Variants in MAPKAP1 observed in about 807,000 individuals in gnomAD.
MAPKAP1 encodes target of rapamycin complex 2 subunit MAPKAP1.
In MAPKAP1, 20 loss-of-function variants were observed where a neutral mutation model predicts 65.7. That is an observed-to-expected ratio of 0.30 (90% CI 0.21 to 0.44). MAPKAP1 has a LOEUF of 0.44. Ranked by LOEUF, MAPKAP1 falls within the 20% of genes least tolerant of loss-of-function variation. MAPKAP1 has a pLI of 1.00. For missense variants in MAPKAP1, 423 were observed against 648.0 expected, an observed-to-expected ratio of 0.65 and a Z score of 3.77; for synonymous variants, 222 against 244.3, an observed-to-expected ratio of 0.91 and a Z score of 0.85.
chr9:125,600,465 C>T (rs556331401), intron 4 of MAPKAP1, among the ~76,000 whole-genome samples: 3 of 152,308 alleles, frequency 2.0e-5, no homozygotes, highest in African/African-American at 7.2e-5. Context: ...GAGATAAGAC[C>T]ATCTACTTCA....
chr9:125,506,241 T>C, intron 8 of MAPKAP1, 69 bp downstream of exon 8: 1 of 1,383,126 alleles, frequency 7.2e-7, no homozygotes, highest in South Asian at 1.2e-5. Flanking sequence ...AGTGAGCGTT[T>C]CCAAACACAT....
intron 2 of MAPKAP1, among the ~76,000 whole-genome samples, chr9:125,670,569 G>A (rs1834467821): frequency 6.6e-6 from 1 of 152,114 alleles, no homozygotes; most frequent in African/African-American, 2.4e-5. Flanking sequence ...AAATTCTTTG[G>A]TCACTAAGAC....
chr9:125,529,386 G>C (rs1829870817), intron 7 of MAPKAP1, among the ~76,000 whole-genome samples: 1 of 151,604 alleles, frequency 6.6e-6, no homozygotes, highest in South Asian at 2.1e-4. Flanking sequence ...TCTACTGAAG[G>C]ATAAGTTAGG....
intron 4 of MAPKAP1, among the ~76,000 whole-genome samples, chr9:125,647,864 TAAAC>T (rs940620594): frequency 4.6e-5 from 7 of 151,548 alleles, no homozygotes; most frequent in Non-Finnish European, 1.0e-4. Flanking sequence ...TCAATGGAAA[TAAAC>T]AAACATTTGT....
chr9:125,464,380 T>G (rs1460390480), intron 10 of MAPKAP1, among the ~76,000 whole-genome samples: 2 of 152,146 alleles, frequency 1.3e-5, no homozygotes, highest in African/African-American at 4.8e-5. Context: ...AATTCACCTT[T>G]TAGGGGCTTA....
At chr9:125,641,132 G>C (rs1410480540) in intron 4 of MAPKAP1, among the ~76,000 whole-genome samples, 1 of 151,684 alleles carries the variant, frequency 6.6e-6, no homozygotes, top group African/African-American at 2.4e-5. Context: ...ATGCTGCCTG[G>C]CTCATAGCAA....
At chr9:125,555,286 C>G (rs1830704933) in intron 6 of MAPKAP1, among the ~76,000 whole-genome samples, 2 of 152,314 alleles carry the variant, frequency 1.3e-5, no homozygotes, top group Admixed American at 1.3e-4. Context: ...AAGAAACTCC[C>G]TCATGACAAT....
intron 3 of MAPKAP1, among the ~76,000 whole-genome samples, chr9:125,667,215 G>A (rs1451028845): frequency 6.6e-6 from 1 of 152,172 alleles, no homozygotes; most frequent in African/African-American, 2.4e-5. Flanking sequence ...AAGTGGGGGA[G>A]CAAATAAAAT....
intron 9 of MAPKAP1, 138 bp downstream of exon 9, chr9:125,484,305 C>A: frequency 1.1e-6 from 1 of 884,100 alleles, no homozygotes; most frequent in Non-Finnish European, 1.6e-6. Flanking sequence ...CTTCAAATTC[C>A]ATTGTTTAAA....
intron 4 of MAPKAP1, among the ~76,000 whole-genome samples, chr9:125,588,941 C>T (rs895071304): frequency 2.0e-5 from 3 of 152,190 alleles, no homozygotes; most frequent in South Asian, 2.1e-4. Context: ...TATACCAGCA[C>T]GTGTGCCTGT....
chr9:125,513,385 C>G (rs1274844656), intron 7 of MAPKAP1, among the ~76,000 whole-genome samples: 3 of 152,186 alleles, frequency 2.0e-5, no homozygotes, highest in African/African-American at 7.2e-5. Context: ...GTCTTCATGT[C>G]AACTGTTTTC....
intron 5 of MAPKAP1, among the ~76,000 whole-genome samples, chr9:125,578,417 G>C (rs1015263174): frequency 1.1e-4 from 17 of 148,084 alleles, no homozygotes; most frequent in Non-Finnish European, 1.9e-4. Flanking sequence ...AAACACCCAA[G>C]AATGATCAAT....
intron 4 of MAPKAP1, among the ~76,000 whole-genome samples, chr9:125,639,696 T>G (rs1009085974): frequency 6.6e-6 from 1 of 152,098 alleles, no homozygotes; most frequent in Non-Finnish European, 1.5e-5. Context: ...CAAGGAAATG[T>G]TACAGAAGAG....
intron 1 of MAPKAP1, among the ~76,000 whole-genome samples, chr9:125,695,496 T>G (rs982221643): frequency 6.6e-6 from 1 of 152,216 alleles, no homozygotes. Flanking sequence ...TCATTTTTCA[T>G]TCTGATAATA....
chr9:125,631,040 C>A (rs1430112584), intron 4 of MAPKAP1, among the ~76,000 whole-genome samples: 4 of 151,080 alleles, frequency 2.6e-5, no homozygotes, highest in Non-Finnish European at 4.4e-5. Context: ...GAAGCTGCAG[C>A]AAGCTGTCAT....
chr9:125,539,623 T>C (rs1237416370), intron 7 of MAPKAP1, among the ~76,000 whole-genome samples: 1 of 152,246 alleles, frequency 6.6e-6, no homozygotes, highest in Non-Finnish European at 1.5e-5. Flanking sequence ...GAGGGAGAAC[T>C]TGAATTAAGG....
At chr9:125,684,549 C>A (rs571686472) in intron 1 of MAPKAP1, among the ~76,000 whole-genome samples, 1 of 152,286 alleles carries the variant, frequency 6.6e-6, no homozygotes, top group South Asian at 2.1e-4. Flanking sequence ...TAGAACTTTG[C>A]TACTAAAATC....
At chr9:125,527,313 A>T (rs947736779) in intron 7 of MAPKAP1, among the ~76,000 whole-genome samples, 1 of 151,450 alleles carries the variant, frequency 6.6e-6, no homozygotes, top group Admixed American at 6.6e-5. Flanking sequence ...TGATCCACCC[A>T]CCTTGGCCTC....
chr9:125,539,250 T>C (rs1830169362), intron 7 of MAPKAP1, among the ~76,000 whole-genome samples: 1 of 152,230 alleles, frequency 6.6e-6, no homozygotes, highest in African/African-American at 2.4e-5. Context: ...AAAAGAATCT[T>C]CAGACTAATA....
Sources: gnomAD v4.1 joint callset for allele counts (sites outside exome capture counted in the v4.1 genomes callset) on GRCh38, gnomAD v4.1.1 for gene constraint, MANE v1.5 for transcripts, NCBI Gene and HGNC (gene_info 2026-07-23, HGNC 2026-07-21) for gene names.